The following CSNK1A1 variants were observed in gnomAD, a reference collection of about 807,000 sequenced individuals.
The protein encoded by CSNK1A1 is casein kinase I isoform alpha.
A neutral mutation model predicts 46.1 loss-of-function variants in CSNK1A1; 7 were observed. That is an observed-to-expected ratio of 0.15 (90% CI 0.09 to 0.29). CSNK1A1 has a LOEUF of 0.29. Among genes scored for constraint, CSNK1A1 ranks in the 10% least tolerant of loss-of-function variants. CSNK1A1 has a pLI of 1.00. For missense variants in CSNK1A1, 96 were observed against 417.1 expected, an observed-to-expected ratio of 0.23 and a Z score of 6.71; for synonymous variants, 137 against 141.5, an observed-to-expected ratio of 0.97 and a Z score of 0.23.
chr5:149,520,923 T>G (rs905277553), intron 3 of CSNK1A1, among the ~76,000 whole-genome samples: 1 of 152,216 alleles, frequency 6.6e-6, no homozygotes, highest in African/African-American at 2.4e-5. Flanking sequence ...ATTCCAAAAG[T>G]TAAATATTAA....
intron 2 of CSNK1A1, among the ~76,000 whole-genome samples, chr5:149,547,902 C>G (rs536030339): frequency 2.0e-5 from 3 of 151,362 alleles, no homozygotes; most frequent in Non-Finnish European, 4.4e-5. Flanking sequence ...GATGGCGTCT[C>G]GCTCTGTCAC....
At chr5:149,528,929 T>G (rs779273589) in intron 2 of CSNK1A1, among the ~76,000 whole-genome samples, 5 of 152,174 alleles carry the variant, frequency 3.3e-5, no homozygotes, top group Non-Finnish European at 7.3e-5. Flanking sequence ...CCTCACTCAT[T>G]TACTTTCTAG....
intron 3 of CSNK1A1, among the ~76,000 whole-genome samples, chr5:149,523,302 A>C (rs1761631608): frequency 6.6e-6 from 1 of 152,148 alleles, no homozygotes; most frequent in South Asian, 2.1e-4. Context: ...GGCCTCTCAA[A>C]AGTGCTGGGA....
At position 149,525,247 on chromosome 5, in the gene CSNK1A1, G is replaced by A. The variant is rs1561763085; in HGVS notation, c.231-76C>T. 2 of 1,348,560 alleles carry A rather than the reference G, an allele frequency of 1.5e-6. No individual in the cohort carries two copies. The highest frequency in any genetic ancestry group is 3.0e-5 in the African/African-American group (2 of 67,214). 83.5% of individuals were successfully genotyped at this position (1,348,560 alleles called of 1,614,324 possible). ...TATCATCAACCCTAAGAATAATATAGTTTTCTTTCACTGACTAGGTATTAT... is the reference window on the plus strand; with the variant it reads ...TATCATCAACCCTAAGAATAATATAATTTTCTTTCACTGACTAGGTATTAT... On this transcript the variant is annotated intron_variant, in intron 2 of 9. Coordinates refer to ENST00000377843, the MANE Select transcript of CSNK1A1 (RefSeq NM_001892.6). The surrounding 1 kb of genome is among the most constrained non-coding windows in gnomAD (Gnocchi z 4.2).
At chr5:149,542,713 T>G (rs1272687567) in intron 2 of CSNK1A1, among the ~76,000 whole-genome samples, 1 of 81,756 alleles carries the variant, frequency 1.2e-5, no homozygotes, top group Non-Finnish European at 2.4e-5. Flanking sequence ...TTTTTTTTTT[T>G]GAGACAGAGG....
chr5:149,543,889 G>GA (rs1762381619), intron 2 of CSNK1A1, among the ~76,000 whole-genome samples: 2 of 151,946 alleles, frequency 1.3e-5, no homozygotes. Context: ...GACAGAGCAA[G>GA]AACCTGCCGC....
intron 2 of CSNK1A1, among the ~76,000 whole-genome samples, chr5:149,527,448 T>A (rs969135932): frequency 3.3e-5 from 5 of 152,126 alleles, no homozygotes; most frequent in Non-Finnish European, 2.9e-5. Context: ...TTTGTCCTTA[T>A]TGCTTAAAAC....
At chr5:149,536,433 G>C (rs1310328847) in intron 2 of CSNK1A1, among the ~76,000 whole-genome samples, 5 of 152,118 alleles carry the variant, frequency 3.3e-5, no homozygotes, top group Admixed American at 6.5e-5. Flanking sequence ...AAGTATTCTA[G>C]ATAAGAAACT....
At chr5:149,524,931 C>A in intron 3 of CSNK1A1, 114 bp downstream of exon 3, 2 of 902,266 alleles carry the variant, frequency 2.2e-6, no homozygotes, top group South Asian at 2.9e-5. Context: ...TTTTTTCTGC[C>A]TATGCTAAGG....
chr5:149,504,916 C>T, intron 9 of CSNK1A1: 1 of 985,490 alleles, frequency 1.0e-6, no homozygotes, highest in Middle Eastern at 5.2e-4. Context: ...AGAAGATAGA[C>T]ACTTTGGGGG....
rs553176592 is a variant in CSNK1A1, at chr5:149,496,444, C to A, written c.*409G>T. On this transcript the variant is annotated 3_prime_UTR_variant, in exon 10 of 10. Transcript: ENST00000377843. ...AATTGTGAGCATTTAACAACCATCA[C>A]AACTGTGGCTGAAGACTGTTCATGC... 5.8e-6 allele frequency: 1 copy of A among 171,818 alleles called. No homozygotes were observed. The highest frequency in any genetic ancestry group is 2.4e-5 in the African/African-American group (1 of 42,220). The allele number at this position is 171,818 out of a possible 1,614,324, so 10.6% of individuals were successfully genotyped here.
rs557574134 is a variant in CSNK1A1 at position 149,493,830 on chromosome 5, C to G, written c.*3023G>C. 1 of 152,300 alleles carries G rather than the reference C, an allele frequency of 6.6e-6. No individual in the cohort carries two copies. The highest frequency in any genetic ancestry group is 2.1e-4 in the South Asian group (1 of 4,824). 9.4% of individuals were successfully genotyped at this position (152,300 alleles called of 1,614,324 possible). A position where few individuals can be genotyped will look rare whatever the true frequency, so the allele number is the denominator to read the frequency against. ...ACTATACTTCATATAGATGTCCTCACATCTTGATTTACATGGTTATAACTG... is the reference window on the plus strand; with the variant it reads ...ACTATACTTCATATAGATGTCCTCAGATCTTGATTTACATGGTTATAACTG... On this transcript the variant is annotated 3_prime_UTR_variant, in exon 10 of 10. Transcript: ENST00000377843.
intron 9 of CSNK1A1, chr5:149,498,105 TA>T: frequency 1.0e-6 from 1 of 984,494 alleles, no homozygotes; most frequent in Non-Finnish European, 1.2e-6. Flanking sequence ...GTGTGGGGGT[TA>T]CAGGTGGGAG....
At chr5:149,531,693 C>CAAAAAA (rs60488526) in intron 2 of CSNK1A1, among the ~76,000 whole-genome samples, 1 of 136,666 alleles carries the variant, frequency 7.3e-6, no homozygotes, top group African/African-American at 2.6e-5. Flanking sequence ...ACTAAAAATA[C>CAAAAAA]AAAAAAAAAA....
intron 2 of CSNK1A1, among the ~76,000 whole-genome samples, chr5:149,542,957 A>G (rs1189445799): frequency 2.6e-5 from 4 of 151,732 alleles, no homozygotes; most frequent in African/African-American, 9.7e-5. Context: ...GGCCTCCCAA[A>G]GTGCTGGGAT....
At chr5:149,501,829 A>C in intron 9 of CSNK1A1, 2 of 978,700 alleles carry the variant, frequency 2.0e-6, no homozygotes, top group Non-Finnish European at 2.4e-6. Context: ...TATCTTGAAA[A>C]ATACTTTTTT....
At chr5:149,499,091 CTG>C (rs1760742999) in intron 9 of CSNK1A1, 1 of 985,196 alleles carries the variant, frequency 1.0e-6, no homozygotes, top group Non-Finnish European at 1.2e-6. Flanking sequence ...TAAGATGTTA[CTG>C]AAGTATGTTT....
intron 2 of CSNK1A1, among the ~76,000 whole-genome samples, chr5:149,540,995 A>T (rs1323223407): frequency 2.6e-5 from 4 of 151,892 alleles, no homozygotes; most frequent in African/African-American, 9.7e-5. Flanking sequence ...AAGGAGAATC[A>T]CTTGAACCCA....
rs922469777 is a variant in CSNK1A1 at position 149,502,381 on chromosome 5, C to G, written c.1006+3066G>C. ...TTGTGACACAGGGTCTCATCTGTTG[C>G]CCAGGCTGGAGTGCAGTGGCATGAT... On this transcript the variant is annotated intron_variant, in intron 9 of 9. Coordinates refer to ENST00000377843, the MANE Select transcript of CSNK1A1 (RefSeq NM_001892.6). 1.0e-5 allele frequency: 9 copies of G among 899,220 alleles called. No individual in the cohort carries two copies. The African/African-American group carries it at 1.4e-4, about 14-fold the overall frequency. The allele number at this position is 899,220 out of a possible 1,614,324, so 55.7% of individuals were successfully genotyped here.
Sources: gnomAD v4.1 joint callset for allele counts (sites outside exome capture counted in the v4.1 genomes callset) on GRCh38, gnomAD v4.1.1 for gene constraint, Gnocchi (gnomAD v3.1) non-coding constraint, MANE v1.5 for transcripts, NCBI Gene and HGNC (gene_info 2026-07-23, HGNC 2026-07-21) for gene names.